The following PRKG1 variants were observed in gnomAD, a reference collection of about 807,000 sequenced individuals.
The protein encoded by PRKG1 is protein kinase cGMP-dependent 1.
In PRKG1, 35 loss-of-function variants were observed where a neutral mutation model predicts 88.1. The observed-to-expected ratio is 0.40, with a 90% CI of 0.30 to 0.53. PRKG1 has a LOEUF of 0.53. Ranked by LOEUF, PRKG1 falls within the 20% of genes least tolerant of loss-of-function variation. The pLI, the probability that PRKG1 is intolerant of heterozygous loss-of-function variation, is 0.59. For missense variants in PRKG1, 540 were observed against 839.8 expected, an observed-to-expected ratio of 0.64 and a Z score of 4.41; for synonymous variants, 303 against 292.5, an observed-to-expected ratio of 1.04 and a Z score of -0.37.
chr10:51,823,117 C>T (rs988301629), intron 4 of PRKG1, among the ~76,000 whole-genome samples: 15 of 152,206 alleles, frequency 9.9e-5, no homozygotes, highest in African/African-American at 3.6e-4. Context: ...TTTCCAGTCA[C>T]TATTTAACAT....
intron 2 of PRKG1, among the ~76,000 whole-genome samples, chr10:51,153,726 T>G (rs1057310081): frequency 6.6e-6 from 1 of 152,040 alleles, no homozygotes; most frequent in African/African-American, 2.4e-5. Context: ...TTTTAATATG[T>G]GACTAGTTTT....
At chr10:51,173,364 A>T (rs930083917) in intron 2 of PRKG1, among the ~76,000 whole-genome samples, 1 of 151,910 alleles carries the variant, frequency 6.6e-6, no homozygotes, top group Non-Finnish European at 1.5e-5. Context: ...CTAACATAAT[A>T]TCACTTGGAC....
At chr10:52,172,988 A>G (rs1838751014) in intron 9 of PRKG1, among the ~76,000 whole-genome samples, 2 of 152,200 alleles carry the variant, frequency 1.3e-5, no homozygotes, top group Admixed American at 6.5e-5. Flanking sequence ...GGCTTCTAAG[A>G]TGCTTAGAAT....
intron 2 of PRKG1, among the ~76,000 whole-genome samples, chr10:51,461,412 AG>A (rs1019800372): frequency 2.0e-5 from 3 of 152,196 alleles, no homozygotes; most frequent in African/African-American, 7.2e-5. Context: ...GGATACAAAA[AG>A]GTTTAGAAAA....
At chr10:51,549,851 C>T (rs921686044) in intron 3 of PRKG1, among the ~76,000 whole-genome samples, 2 of 152,104 alleles carry the variant, frequency 1.3e-5, no homozygotes, top group African/African-American at 2.4e-5. Context: ...CAATAGCAAC[C>T]TAACCAAATC....
At chr10:51,016,072 T>G (rs959472693) in intron 1 of PRKG1, among the ~76,000 whole-genome samples, 5 of 152,202 alleles carry the variant, frequency 3.3e-5, no homozygotes, top group Admixed American at 6.5e-5. Flanking sequence ...TCTGCATATG[T>G]GTTTGCAGGA....
At chr10:51,121,572 A>G (rs1220838912) in intron 1 of PRKG1, among the ~76,000 whole-genome samples, 1 of 152,180 alleles carries the variant, frequency 6.6e-6, no homozygotes, top group African/African-American at 2.4e-5. Context: ...CTGAATCCTC[A>G]TAACAACTCT....
rs1842199060 is a variant in PRKG1 at position 51,349,705 on chromosome 10, C to T, written c.479-118018C>T. Among the ~76,000 whole-genome samples, 3 of 151,950 alleles carry T rather than the reference C, an allele frequency of 2.0e-5. No individual in the cohort carries two copies. The South Asian group carries it at 6.2e-4, about 31-fold the overall frequency. ...TATTTTTAGTAGAGACGGGGTTTCA[C>T]CATGTTGGCCAGGCTGGTCTTAAAC... On this transcript the variant is annotated intron_variant, in intron 2 of 17. Transcript: ENST00000373980.
chr10:51,869,860 G>A (rs1380232421), intron 4 of PRKG1, among the ~76,000 whole-genome samples: 1 of 152,098 alleles, frequency 6.6e-6, no homozygotes, highest in Admixed American at 6.6e-5. Flanking sequence ...AAATATGTTT[G>A]TGAATTATAA....
chr10:51,913,324 T>A (rs1842265989), intron 5 of PRKG1, among the ~76,000 whole-genome samples: 1 of 152,182 alleles, frequency 6.6e-6, no homozygotes, highest in Non-Finnish European at 1.5e-5. Flanking sequence ...GTCACCCAGG[T>A]AGTGAGCATA....
chr10:51,061,961 GT>G (rs1843696856), intron 1 of PRKG1, among the ~76,000 whole-genome samples: 1 of 152,102 alleles, frequency 6.6e-6, no homozygotes, highest in African/African-American at 2.4e-5. Context: ...GGCTTCTACT[GT>G]TTTCCCAGTT....
At chr10:51,492,873 T>C (rs1008607425) in intron 3 of PRKG1, among the ~76,000 whole-genome samples, 10 of 152,152 alleles carry the variant, frequency 6.6e-5, no homozygotes, top group African/African-American at 2.2e-4. Flanking sequence ...AAGTGACAAG[T>C]GTTAGCCTGC....
At chr10:51,232,389 G>A (rs1336651467) in intron 2 of PRKG1, among the ~76,000 whole-genome samples, 1 of 152,172 alleles carries the variant, frequency 6.6e-6, no homozygotes, top group South Asian at 2.1e-4. Context: ...TACTGAAGGA[G>A]CAGCTGTTTG....
chr10:51,462,414 G>A (rs1013722910), intron 2 of PRKG1, among the ~76,000 whole-genome samples: 2 of 152,086 alleles, frequency 1.3e-5, no homozygotes, highest in Non-Finnish European at 2.9e-5. Flanking sequence ...AAACAAAGCC[G>A]GGAGGTTCTG....
intron 2 of PRKG1, among the ~76,000 whole-genome samples, chr10:51,428,716 T>G (rs78657836): frequency 0.015 from 2,289 of 152,262 alleles, 14 homozygotes; most frequent in Non-Finnish European, 0.018. Flanking sequence ...ACTCAGTTGC[T>G]AAAGAGGACT....
intron 1 of PRKG1, chr10:51,062,621 T>TC (rs1464767228): frequency 6.6e-6 from 1 of 151,556 alleles, no homozygotes; most frequent in Non-Finnish European, 1.5e-5. Context: ...AACAGTATCT[T>TC]TTTTTTTTCT....
chr10:51,406,556 T>C (rs915835020), intron 2 of PRKG1, among the ~76,000 whole-genome samples: 4 of 151,778 alleles, frequency 2.6e-5, no homozygotes, highest in African/African-American at 9.7e-5. Context: ...AAAAAGAAGA[T>C]GCTTTGAAAG....
At chr10:51,787,506 A>C (rs1357507579) in intron 3 of PRKG1, among the ~76,000 whole-genome samples, 1 of 152,160 alleles carries the variant, frequency 6.6e-6, no homozygotes, top group Admixed American at 6.6e-5. Flanking sequence ...TTCCCCAAGG[A>C]AGAGATGCTG....
chr10:51,766,797 TG>T (rs1564638590), intron 3 of PRKG1, among the ~76,000 whole-genome samples: 2 of 152,000 alleles, frequency 1.3e-5, no homozygotes, highest in Non-Finnish European at 2.9e-5. Context: ...AAAACTGGGG[TG>T]GGGTGCGGGG....
Sources: gnomAD v4.1 joint callset for allele counts (sites outside exome capture counted in the v4.1 genomes callset) on GRCh38, gnomAD v4.1.1 for gene constraint, MANE v1.5 for transcripts, NCBI Gene and HGNC (gene_info 2026-07-23, HGNC 2026-07-21) for gene names.